PDE5A: variants seen among roughly 807,000 people sequenced by gnomAD.
PDE5A encodes phosphodiesterase 5A, also known as cGMP-specific 3',5'-cyclic phosphodiesterase.
Under a neutral mutation model 110.2 loss-of-function variants are expected in PDE5A, and 67 were observed. The ratio of observed to expected loss-of-function variants is 0.61; its 90% CI spans 0.50 to 0.75. The LOEUF (loss-of-function observed/expected upper bound fraction) is 0.75. PDE5A is among the 30% of genes least tolerant of loss of function. The pLI, the probability that PDE5A is intolerant of heterozygous loss-of-function variation, is 0.00. For missense variants in PDE5A, 862 were observed against 1,045.1 expected, an observed-to-expected ratio of 0.82 and a Z score of 2.42; for synonymous variants, 328 against 351.2, an observed-to-expected ratio of 0.93 and a Z score of 0.74.
Position 119,606,832 on chromosome 4 carries a change from A to G in PDE5A, c.618T>C (p.Asp206=). 6.2e-7 allele frequency: 1 copy of G among 1,614,202 alleles called. No individual in the cohort carries two copies. The change falls in exon 2 of 21, where the codon GAT becomes GAC. Residue 206 remains aspartate (D), a synonymous_variant. Transcript: ENST00000354960. ...CTTCCAGTGTTGAACCTTCAGCAAC[A>G]TCAAAGAGGCGGCTGATAAGAAACT... is the stretch of plus-strand genomic sequence containing the variant. The part of the protein sequence containing the change: ...NDKFLISRLF[D]VAEGSTLEEV...
chr4:119,560,150 C>A, intron 7 of PDE5A, 146 bp downstream of exon 7: 1 of 500,076 alleles, frequency 2.0e-6, no homozygotes. Flanking sequence ...TGATGGAGGA[C>A]GACTTAGGAC....
At chr4:119,540,620 A>G (rs1726894118) in intron 10 of PDE5A, among the ~76,000 whole-genome samples, 1 of 152,226 alleles carries the variant, frequency 6.6e-6, no homozygotes, top group South Asian at 2.1e-4. Flanking sequence ...TATCACACAC[A>G]AAAGATAAAA....
chr4:119,627,031 C>T lies in PDE5A; in HGVS notation c.152+1489G>A, dbSNP rs1015591478. 5 of 1,138,474 alleles carry T rather than the reference C, an allele frequency of 4.4e-6. No homozygotes were observed. In the African/African-American group the frequency reaches 7.7e-5, roughly 18 times the overall value. The allele number at this position is 1,138,474 out of a possible 1,614,324, so 70.5% of individuals were successfully genotyped here. On this transcript the variant is annotated intron_variant, in intron 1 of 20. Transcript: ENST00000354960. The surrounding 1 kb of genome is among the most constrained non-coding windows in gnomAD (Gnocchi z 4.6). ...ACAACAACAACAAAAGTTATACAGT[C>T]AATTTTCAATGATACATCGTCCCAC...
intron 1 of PDE5A, among the ~76,000 whole-genome samples, chr4:119,614,125 C>A (rs1729851675): frequency 6.6e-6 from 1 of 151,704 alleles, no homozygotes; most frequent in Non-Finnish European, 1.5e-5. Flanking sequence ...AACACTATTT[C>A]TAAGGACTCA....
chr4:119,537,278 T>C (rs978401980), intron 11 of PDE5A, among the ~76,000 whole-genome samples: 6 of 152,152 alleles, frequency 3.9e-5, no homozygotes, highest in African/African-American at 1.4e-4. Context: ...ACACAAAACA[T>C]TACAATTTTT....
At chr4:119,556,460 A>G (rs1461585391) in intron 7 of PDE5A, among the ~76,000 whole-genome samples, 1 of 152,204 alleles carries the variant, frequency 6.6e-6, no homozygotes, top group Non-Finnish European at 1.5e-5. Flanking sequence ...CTTGGTCCCC[A>G]AGGTCTTTGT....
At position 119,503,465 on chromosome 4, in the gene PDE5A, C is replaced by T. The variant is rs563562276; in HGVS notation, c.2332-810G>A. Among the ~76,000 whole-genome samples, 87 of 151,986 alleles carry T rather than the reference C, an allele frequency of 5.7e-4. 1 individual carries two copies. Among genetic ancestry groups the T allele is most frequent in the Non-Finnish European group, 1.3e-4 (9 of 68,012 alleles). ...TATCAATACTTCCTACATCTACAAG[C>T]CCCAGAAATCTCTATGTTCTACTTG... On this transcript the variant is annotated intron_variant, in intron 18 of 20. Coordinates refer to ENST00000354960, the MANE Select transcript of PDE5A (RefSeq NM_001083.4).
At chr4:119,618,128 T>G (rs1313780856) in intron 1 of PDE5A, among the ~76,000 whole-genome samples, 2 of 152,136 alleles carry the variant, frequency 1.3e-5, no homozygotes, top group African/African-American at 4.8e-5. Flanking sequence ...AATCACCTCT[T>G]TCTAAGAATA....
chr4:119,578,038 C>A lies in PDE5A; in HGVS notation c.832-10894G>T, dbSNP rs186056001. On this transcript the variant is annotated intron_variant, in intron 3 of 20. Coordinates refer to ENST00000354960, the MANE Select transcript of PDE5A (RefSeq NM_001083.4). ...AAAAATCACAAGCATTCTCATACAC[C>A]AATAACAGACAAACAGAGAGCCAAA... 7.7e-3 allele frequency among the ~76,000 whole-genome samples: 1,176 copies of A among 152,194 alleles called. 19 individuals are homozygous for A. The highest frequency in any genetic ancestry group is 0.027 in the African/African-American group (1,114 of 41,528).
chr4:119,628,551 TA>T lies in PDE5A; in HGVS notation c.120del (p.Phe40LeufsTer83). The T allele has an allele frequency of 6.2e-7, 1 of 1,601,242 alleles. No homozygotes were observed. The highest frequency in any genetic ancestry group is 8.5e-7 in the Non-Finnish European group (1 of 1,171,240). ...GCTTTTCTAACAAAGTATGAGAAGG[TA>T]AAGTCCCAGTGATCGTCCAGCCATG... is the stretch of plus-strand genomic sequence containing the variant. ...VEAWLDDHWD[F>X]TFSYFVRKAT... is the part of the protein sequence containing the mutation. On this transcript the variant is annotated frameshift_variant, in exon 1 of 21. Coordinates refer to ENST00000354960, the MANE Select transcript of PDE5A (RefSeq NM_001083.4). LOFTEE classifies it high-confidence loss of function.
intron 9 of PDE5A, among the ~76,000 whole-genome samples, chr4:119,547,733 G>A (rs1376482288): frequency 2.0e-5 from 3 of 151,870 alleles, no homozygotes; most frequent in Non-Finnish European, 4.4e-5. Context: ...TTCTAAGTGA[G>A]TTTTTTCCTT....
chr4:119,553,294 G>A (rs1178730629), intron 8 of PDE5A, among the ~76,000 whole-genome samples: 2 of 152,040 alleles, frequency 1.3e-5, no homozygotes, highest in African/African-American at 4.8e-5. Context: ...ATCAGTTCAA[G>A]CCACACAGAA....
intron 9 of PDE5A, among the ~76,000 whole-genome samples, chr4:119,547,487 GA>G (rs771642440): frequency 2.0e-5 from 3 of 151,802 alleles, no homozygotes; most frequent in Non-Finnish European, 2.9e-5. Flanking sequence ...AACAGAGTGA[GA>G]AAGAGAAAGG....
chr4:119,592,490 T>TAA (rs1431975121), intron 3 of PDE5A, among the ~76,000 whole-genome samples: 3 of 95,594 alleles, frequency 3.1e-5, no homozygotes, highest in African/African-American at 1.1e-4. Flanking sequence ...AAAAAAAAGC[T>TAA]GTGTTCTGGA....
At position 119,505,916 on chromosome 4, in the gene PDE5A, A is replaced by G. The variant is rs776859323; in HGVS notation, c.2206T>C (p.Phe736Leu). The change falls in exon 17 of 21, where the codon TTT becomes CTT. Residue 736 changes from phenylalanine to leucine, a missense_variant. By Grantham distance (22) the Phe-to-Leu change is conservative. Coordinates refer to ENST00000354960, the MANE Select transcript of PDE5A (RefSeq NM_001083.4). ...ALYIKRRGEF[F>L]ELIRKNQFNL... is the part of the protein sequence containing the mutation. ...AATTGATTTTTTCTTATAAGTTCAA[A>G]AAATTCTCCTCGCCTCCTACAATGT... The G allele has an allele frequency of 6.4e-7, 1 of 1,570,710 alleles. No individual in the cohort carries two copies. The highest frequency in any genetic ancestry group is 1.2e-5 in the South Asian group (1 of 84,206).
intron 3 of PDE5A, among the ~76,000 whole-genome samples, chr4:119,575,983 C>T (rs2928993): frequency 0.76 from 115,309 of 152,020 alleles, 44,066 homozygotes; most frequent in East Asian, 0.89. Flanking sequence ...AATAAAGGGA[C>T]GCAGGAAAAT....
intron 5 of PDE5A, 81 bp downstream of exon 5, chr4:119,565,240 C>T (rs1229004117): frequency 1.3e-5 from 12 of 891,322 alleles, no homozygotes; most frequent in Non-Finnish European, 2.0e-5. Flanking sequence ...AATTTTTAAT[C>T]ATCTGCATAC....
chr4:119,553,736 C>G lies in PDE5A; in HGVS notation c.1210G>C (p.Ala404Pro). ...SSDTLTREHD[A>P]NKINYMYAQY... Reference sequence around the variant, plus strand: ...GCATACATGTAATTGATTTTGTTTGCATCATGTTCCCTGTGAAAATAACAG... The same window carrying G: ...GCATACATGTAATTGATTTTGTTTGGATCATGTTCCCTGTGAAAATAACAG... Residue 404 changes from alanine (A) to proline (P), a missense_variant, in exon 8 of 21, where the codon GCA (alanine) becomes CCA (proline). Ala to Pro is a conservative substitution (Grantham distance 27, BLOSUM62 -1). Transcript: ENST00000354960. 1 of 1,558,358 alleles carries G rather than the reference C, an allele frequency of 6.4e-7. No homozygotes were observed. The highest frequency in any genetic ancestry group is 8.8e-7 in the Non-Finnish European group (1 of 1,130,184).
intron 9 of PDE5A, chr4:119,550,452 T>A (rs1359224387): frequency 6.6e-6 from 1 of 152,226 alleles, no homozygotes; most frequent in Non-Finnish European, 1.5e-5. Flanking sequence ...AGGTGAGTAA[T>A]GTGCCCATAA....
Sources: gnomAD v4.1 joint callset for allele counts (sites outside exome capture counted in the v4.1 genomes callset) on GRCh38, gnomAD v4.1.1 for gene constraint, Gnocchi (gnomAD v3.1) non-coding constraint, MANE v1.5 for transcripts, NCBI Gene and HGNC (gene_info 2026-07-23, HGNC 2026-07-21) for gene names.